Variants in THBS2 observed in about 807,000 individuals in gnomAD.
THBS2 encodes the protein thrombospondin-2.
THBS2 carries 47 observed loss-of-function variants against 135.2 expected under a neutral mutation model. That is an observed-to-expected ratio of 0.35 (90% CI 0.28 to 0.44). The LOEUF is 0.44. Among genes scored for constraint, THBS2 ranks in the 20% least tolerant of loss-of-function variants. THBS2 has a pLI of 1.00. For missense variants in THBS2, 1,288 were observed against 1,603.1 expected (o/e 0.80, Z 3.36); for synonymous variants, 639 against 633.8 (o/e 1.01, Z -0.12).
At position 169,223,430 on chromosome 6, in the gene THBS2, T is replaced by C. The variant is rs200593207; in HGVS notation, c.2819A>G (p.Asn940Ser). The part of the protein sequence containing the change: ...DICKDDFDND[N>S]IPDIDDVCPE... ...ACACACATCATCAATATCTGGGATGTTGTCATTGTCAAAATCATCTTTACA... is the reference window on the plus strand; with the variant it reads ...ACACACATCATCAATATCTGGGATGCTGTCATTGTCAAAATCATCTTTACA... The change falls in exon 18 of 22, where the codon AAC becomes AGC. Residue 940 changes from asparagine (N) to serine (S), a missense_variant. By Grantham distance (46) the Asn-to-Ser change is conservative (BLOSUM62 1). Coordinates refer to ENST00000617924, the MANE Select transcript of THBS2 (RefSeq NM_003247.5). 2.5e-6 allele frequency: 4 copies of C among 1,614,016 alleles called. No homozygotes were observed. Among genetic ancestry groups the C allele is most frequent in the East Asian group, 2.2e-5 (1 of 44,894 alleles).
Position 169,225,274 on chromosome 6 carries a change from C to CGTTGGAGATGTAGGGGCAGTTGTCCTG in THBS2, c.2617_2643dup (p.Gln873_Asn881dup). 1 of 1,608,572 alleles carries CGTTGGAGATGTAGGGGCAGTTGTCCTG rather than the reference C, an allele frequency of 6.2e-7. No homozygotes were observed. The highest frequency in any genetic ancestry group is 8.5e-7 in the Non-Finnish European group (1 of 1,177,232). The stretch of plus-strand genomic sequence containing the variant: ...TCTCTGTCATGGTCAGCCTGGTTGG[C>CGTTGGAGATGTAGGGGCAGTTGTCCTG]GTTGGAGATGTAGGGGCAGTTGTCC... On this transcript the variant is annotated inframe_insertion, in exon 17 of 22. Transcript: ENST00000617924.
chr6:169,239,652 G>A lies in THBS2; in HGVS notation c.1076C>T (p.Thr359Ile), dbSNP rs375599652. The A allele has an allele frequency of 1.2e-6, 2 of 1,606,410 alleles. No homozygotes were observed. The highest frequency in any genetic ancestry group is 8.5e-7 in the Non-Finnish European group (1 of 1,176,956). The change falls in exon 7 of 22, where the codon ACC (threonine) becomes ATC (isoleucine). Residue 359 changes from threonine to isoleucine, a missense_variant. Coordinates refer to ENST00000617924, the MANE Select transcript of THBS2 (RefSeq NM_003247.5). ...ICHQITCPPA[T>I]CASPSFVEGE... ...TTCCACAAAGGATGGACTGGCGCAG[G>A]TTGCAGGCGGGCAGGTGATTTGGTG...
Position 169,248,814 on chromosome 6 carries a change from A to T in THBS2, c.212T>A (p.Leu71His). Residue 71 changes from leucine to histidine, a missense_variant, in exon 3 of 22, where the codon CTC (leucine) becomes CAC (histidine). Coordinates refer to ENST00000617924, the MANE Select transcript of THBS2 (RefSeq NM_003247.5). The part of the protein sequence containing the change: ...DYIPPVNADD[L>H]SKITKIMRQK... Reference sequence around the variant, plus strand: ...CCGCATGATCTTGGTGATCTTGCTGAGGTCATCTGCGTTCACCGGTGGGAT... The same window carrying T: ...CCGCATGATCTTGGTGATCTTGCTGTGGTCATCTGCGTTCACCGGTGGGAT... The T allele has an allele frequency of 6.2e-7, 1 of 1,610,832 alleles. No homozygotes were observed. The highest frequency in any genetic ancestry group is 1.1e-5 in the South Asian group (1 of 91,060).
At chr6:169,236,823 GTCCACACTCACTCCCCA>G (rs1217217842) in intron 9 of THBS2, among the ~76,000 whole-genome samples, 11 of 91,804 alleles carry the variant, frequency 1.2e-4, no homozygotes, top group African/African-American at 2.8e-4. Context: ...CTCACTCCCC[GTCCACACTCACTCCCCA>G]TCCACACTCA....
chr6:169,237,462 A>G (rs189644043), intron 8 of THBS2, 116 bp from the exon 9 acceptor site: 1 of 1,476,432 alleles, frequency 6.8e-7, no homozygotes, highest in Non-Finnish European at 9.3e-7. Context: ...AGGGAAGGAG[A>G]ACCCCTCCCA....
intron 13 of THBS2, among the ~76,000 whole-genome samples, chr6:169,231,228 G>A (rs1779820637): frequency 1.3e-5 from 2 of 152,174 alleles, no homozygotes; most frequent in Admixed American, 6.5e-5. Context: ...ACAACCACAG[G>A]TGTTCTTATC....
In THBS2 at chr6:169,217,388, T is replaced by G. The variant is rs1779213226; in HGVS notation, c.*434A>C. The G allele has an allele frequency of 6.1e-6, 1 of 164,232 alleles. No homozygotes were observed. The highest frequency in any genetic ancestry group is 1.3e-5 in the Non-Finnish European group (1 of 76,154). The allele number at this position is 164,232 out of a possible 1,614,324, so 10.2% of individuals were successfully genotyped here. ...TCTAATTCAAGAATAGTGACAACTT[T>G]AAGCACCAAAAGTAGTTCAGCAATA... is the stretch of plus-strand genomic sequence containing the variant. On this transcript the variant is annotated 3_prime_UTR_variant, in exon 22 of 22. Coordinates refer to ENST00000617924, the MANE Select transcript of THBS2 (RefSeq NM_003247.5).
At chr6:169,248,259 G>T (rs1780625641) in intron 3 of THBS2, among the ~76,000 whole-genome samples, 158 bp downstream of exon 3, 1 of 152,162 alleles carries the variant, frequency 6.6e-6, no homozygotes, top group African/African-American at 2.4e-5. Flanking sequence ...CATGTGGTGT[G>T]TGCACGCATG....
At chr6:169,251,929 G>T (rs369270742) in intron 1 of THBS2, 1 of 151,738 alleles carries the variant, frequency 6.6e-6, no homozygotes, top group South Asian at 2.1e-4. Context: ...GCCTGCGGCC[G>T]GAGTCAGCAC....
intron 16 of THBS2, among the ~76,000 whole-genome samples, chr6:169,225,735 G>C (rs1182943671): frequency 6.6e-6 from 1 of 152,192 alleles, no homozygotes; most frequent in East Asian, 1.9e-4. Context: ...TATATCCTAT[G>C]AGCTGCATCA....
chr6:169,225,064 C>A (rs1779571676), intron 17 of THBS2, 81 bp downstream of exon 17: 16 of 1,342,738 alleles, frequency 1.2e-5, no homozygotes. Context: ...TTAAGATGAT[C>A]TCCGTGCATA....
intron 21 of THBS2, among the ~76,000 whole-genome samples, chr6:169,218,754 T>C (rs1409899063): frequency 2.8e-5 from 3 of 108,070 alleles, no homozygotes; most frequent in Non-Finnish European, 5.6e-5. Context: ...ATGAGATGGA[T>C]GGATGGGTGG....
chr6:169,241,260 C>T lies in THBS2; in HGVS notation c.891+502G>A, dbSNP rs908947760. 6.6e-6 allele frequency among the ~76,000 whole-genome samples: 1 copy of T among 152,154 alleles called. No individual in the cohort carries two copies. Among genetic ancestry groups the T allele is most frequent in the Non-Finnish European group, 1.5e-5 (1 of 68,030 alleles). ...ACTGCGAGCTGCCCGTCCTGAGCCC[C>T]GCAGGCATCGCTCTCTCTTCCTGGC... On this transcript the variant is annotated intron_variant, in intron 5 of 21. Coordinates refer to ENST00000617924, the MANE Select transcript of THBS2 (RefSeq NM_003247.5). This position sits in a 1 kb window ranked among gnomAD's most constrained non-coding sequence, Gnocchi z 5.5.
intron 17 of THBS2, among the ~76,000 whole-genome samples, chr6:169,223,775 T>TA (rs1198464102): frequency 1.3e-5 from 2 of 152,260 alleles, no homozygotes; most frequent in Non-Finnish European, 2.9e-5. Flanking sequence ...GCTGCAGGTA[T>TA]AAAACCTGAA....
chr6:169,222,476 C>G lies in THBS2; in HGVS notation c.3002-8G>C. On this transcript the variant is annotated splice_region_variant and splice_polypyrimidine_tract_variant and intron_variant, in intron 18 of 21. Coordinates refer to ENST00000617924, the MANE Select transcript of THBS2 (RefSeq NM_003247.5). ...ACCCAAACTCGTCAAAACCTGGATGCAACGCCATAAGGTTTCGTTAGAAAC... is the reference window on the plus strand; with the variant it reads ...ACCCAAACTCGTCAAAACCTGGATGGAACGCCATAAGGTTTCGTTAGAAAC... 2 of 1,610,774 alleles carry G rather than the reference C, an allele frequency of 1.2e-6. No individual in the cohort carries two copies. Among genetic ancestry groups the G allele is most frequent in the Non-Finnish European group, 1.7e-6 (2 of 1,178,116 alleles).
At chr6:169,240,159 C>T (rs1261002586) in intron 6 of THBS2, among the ~76,000 whole-genome samples, 2 of 152,202 alleles carry the variant, frequency 1.3e-5, no homozygotes, top group East Asian at 3.9e-4. Flanking sequence ...GAATTAAATG[C>T]AGAGTCTAGG....
intron 1 of THBS2, chr6:169,251,877 C>T (rs1780767634): frequency 7.0e-6 from 1 of 142,116 alleles, no homozygotes; most frequent in Non-Finnish European, 1.5e-5. Flanking sequence ...CCCAGGGGTC[C>T]TTGGTGATTG....
At chr6:169,236,794 G>A (rs1181394868) in intron 9 of THBS2, among the ~76,000 whole-genome samples, 21 of 75,468 alleles carry the variant, frequency 2.8e-4, no homozygotes, top group East Asian at 2.1e-3. Flanking sequence ...ACTCCCGTCC[G>A]CACTCACTCC....
chr6:169,246,078 T>C, intron 4 of THBS2, 119 bp downstream of exon 4: 2 of 755,636 alleles, frequency 2.6e-6, no homozygotes. Flanking sequence ...TACCCAAATA[T>C]TTTTACTTAA....
Sources: gnomAD v4.1 joint callset for allele counts (sites outside exome capture counted in the v4.1 genomes callset) on GRCh38, gnomAD v4.1.1 for gene constraint, Gnocchi (gnomAD v3.1) non-coding constraint, MANE v1.5 for transcripts, NCBI Gene and HGNC (gene_info 2026-07-23, HGNC 2026-07-21) for gene names.